The following GPC5 variants were observed in gnomAD, a reference collection of about 807,000 sequenced individuals.
The protein encoded by GPC5 is glypican-5.
GPC5 carries 47 observed loss-of-function variants against 53.9 expected under a neutral mutation model. The ratio of observed to expected loss-of-function variants is 0.87; its 90% CI spans 0.69 to 1.11. The LOEUF (loss-of-function observed/expected upper bound fraction) is 1.11. Among genes scored for constraint, GPC5 ranks in the 50% most tolerant of loss-of-function variants. GPC5 has a pLI of 0.00. For synonymous variants in GPC5, 286 were observed against 263.3 expected, an observed-to-expected ratio of 1.09 and a Z score of -0.84; for missense variants, 748 against 713.1, an observed-to-expected ratio of 1.05 and a Z score of -0.56.
chr13:91,926,593 C>G (rs2039771009), intron 6 of GPC5, among the ~76,000 whole-genome samples: 1 of 152,092 alleles, frequency 6.6e-6, no homozygotes, highest in Admixed American at 6.5e-5. Flanking sequence ...AGGAGTGCAA[C>G]CTGCCTGTGC....
At chr13:92,390,408 A>G (rs986091862) in intron 7 of GPC5, among the ~76,000 whole-genome samples, 3 of 152,266 alleles carry the variant, frequency 2.0e-5, no homozygotes, top group Middle Eastern at 6.8e-3. Context: ...TTTCAAAAAC[A>G]TAAGCTGATT....
At chr13:91,519,335 G>A (rs1359301022) in intron 2 of GPC5, among the ~76,000 whole-genome samples, 8 of 152,160 alleles carry the variant, frequency 5.3e-5, no homozygotes, top group Middle Eastern at 3.4e-3. Context: ...TTATGATATG[G>A]TGATATGGTT....
intron 5 of GPC5, among the ~76,000 whole-genome samples, chr13:91,771,670 A>G (rs1486236462): frequency 1.3e-5 from 2 of 152,198 alleles, no homozygotes; most frequent in African/African-American, 4.8e-5. Flanking sequence ...AAGTTGATTG[A>G]TTATATTTCT....
chr13:92,042,581 C>T (rs2040950278), intron 6 of GPC5, among the ~76,000 whole-genome samples: 1 of 152,132 alleles, frequency 6.6e-6, no homozygotes, highest in Admixed American at 6.5e-5. Flanking sequence ...TCAGCCAAAT[C>T]ATTAATCAAA....
intron 7 of GPC5, among the ~76,000 whole-genome samples, chr13:92,358,372 C>T (rs79011607): frequency 0.027 from 4,051 of 151,808 alleles, 328 homozygotes; most frequent in African/African-American, 0.094. Flanking sequence ...GCACTGAGTG[C>T]CTGAGGCTTT....
intron 2 of GPC5, among the ~76,000 whole-genome samples, chr13:91,592,926 C>T (rs2032856547): frequency 6.6e-6 from 1 of 152,174 alleles, no homozygotes. Flanking sequence ...TCAGCTGAGG[C>T]AAGACATTCT....
chr13:92,113,071 T>C (rs1376477240), intron 6 of GPC5, among the ~76,000 whole-genome samples: 1 of 152,136 alleles, frequency 6.6e-6, no homozygotes, highest in Non-Finnish European at 1.5e-5. Context: ...CATTATGAAA[T>C]GGCAACATGG....
chr13:91,705,592 T>C (rs1290537144), intron 3 of GPC5, among the ~76,000 whole-genome samples: 1 of 152,126 alleles, frequency 6.6e-6, no homozygotes, highest in African/African-American at 2.4e-5. Flanking sequence ...GATATCATCG[T>C]TGGGGGGAAG....
intron 7 of GPC5, among the ~76,000 whole-genome samples, chr13:92,179,490 G>T (rs541101037): frequency 6.6e-6 from 1 of 152,156 alleles, no homozygotes; most frequent in Non-Finnish European, 1.5e-5. Context: ...ATTTGTCGTG[G>T]TCTCTCTGTC....
intron 7 of GPC5, among the ~76,000 whole-genome samples, chr13:92,812,699 A>G (rs4451828): frequency 0.35 from 53,470 of 151,578 alleles, 12,430 homozygotes; most frequent in East Asian, 0.72. Context: ...GATCCTATGC[A>G]TAGAAAGTCC....
intron 6 of GPC5, among the ~76,000 whole-genome samples, chr13:91,909,325 G>A (rs1236279537): frequency 2.6e-5 from 4 of 152,124 alleles, no homozygotes; most frequent in Non-Finnish European, 4.4e-5. Context: ...AAATTTGAGT[G>A]CATAATTGAT....
At chr13:91,753,972 A>C (rs548968396) in intron 4 of GPC5, among the ~76,000 whole-genome samples, 1 of 152,256 alleles carries the variant, frequency 6.6e-6, no homozygotes, top group Admixed American at 6.5e-5. Flanking sequence ...CCAATAAAAA[A>C]CTTAGTACTC....
chr13:92,743,014 G>T (rs1022570302), intron 7 of GPC5, among the ~76,000 whole-genome samples: 6 of 152,044 alleles, frequency 3.9e-5, no homozygotes, highest in Non-Finnish European at 7.4e-5. Context: ...GTCAGGTAGG[G>T]TGATGCCTCC....
intron 7 of GPC5, among the ~76,000 whole-genome samples, chr13:92,375,117 G>A (rs933772316): frequency 4.6e-5 from 7 of 152,292 alleles, no homozygotes; most frequent in African/African-American, 1.4e-4. Context: ...ATCAAAGGTA[G>A]ATAATTAATG....
At chr13:92,081,509 T>C (rs1447916081) in intron 6 of GPC5, among the ~76,000 whole-genome samples, 3 of 150,858 alleles carry the variant, frequency 2.0e-5, no homozygotes, top group Admixed American at 1.3e-4. Flanking sequence ...GATCAGATTT[T>C]TTTTTTATTT....
At position 92,527,442 on chromosome 13, in the gene GPC5, A is replaced by T. The variant is rs370524721; in HGVS notation, c.1562-338840A>T. Among the ~76,000 whole-genome samples the T allele has an allele frequency of 1.8e-4, 27 of 152,198 alleles. 1 individual carries two copies. The South Asian group carries it at 5.6e-3, about 32-fold the overall frequency. ...TAGCCAAAACTGTCAATCATGTTGG[A>T]TGCTGCTAAGAGGACAAGTAAAATA... is the stretch of plus-strand genomic sequence containing the variant. On this transcript the variant is annotated intron_variant, in intron 7 of 7. Coordinates refer to ENST00000377067, the MANE Select transcript of GPC5 (RefSeq NM_004466.6).
intron 7 of GPC5, among the ~76,000 whole-genome samples, chr13:92,572,917 T>G (rs1359812904): frequency 6.6e-6 from 1 of 152,144 alleles, no homozygotes; most frequent in African/African-American, 2.4e-5. Flanking sequence ...TAGAGAAAGA[T>G]TAGATATGTA....
At chr13:92,413,274 T>C (rs1304494438) in intron 7 of GPC5, among the ~76,000 whole-genome samples, 1 of 152,222 alleles carries the variant, frequency 6.6e-6, no homozygotes, top group African/African-American at 2.4e-5. Context: ...TTACAGCTCC[T>C]TAACACTGCT....
chr13:92,795,065 C>T (rs537173463), intron 7 of GPC5, among the ~76,000 whole-genome samples: 5 of 152,172 alleles, frequency 3.3e-5, no homozygotes, highest in African/African-American at 9.6e-5. Flanking sequence ...AAAAAAGAGC[C>T]CGCATAGCCA....
Sources: allele counts gnomAD v4.1 joint callset (sites outside exome capture counted in the v4.1 genomes callset), GRCh38; gene constraint gnomAD v4.1.1; transcripts MANE v1.5; gene names NCBI Gene and HGNC (gene_info 2026-07-23, HGNC 2026-07-21).